The following ZNF614 variants were observed in gnomAD, a reference collection of about 807,000 sequenced individuals.
The protein encoded by ZNF614 is zinc finger protein 614.
In ZNF614, 11 loss-of-function variants were observed where a neutral mutation model predicts 12.8. The observed-to-expected ratio is 0.86, with a 90% CI of 0.54 to 1.43. The LOEUF is 1.43. Ranked by LOEUF, ZNF614 falls within the 40% of genes most tolerant of loss-of-function variation. The probability of loss-of-function intolerance (pLI) is 0.00; values close to 1 mark genes in which losing one functional copy is unlikely to be tolerated. For missense variants in ZNF614, 664 were observed against 708.8 expected, an observed-to-expected ratio of 0.94 and a Z score of 0.72; for synonymous variants, 237 against 237.5, an observed-to-expected ratio of 1.00 and a Z score of 0.02.
chr19:52,018,782 T>C (rs16983388), intron 2 of ZNF614, among the ~76,000 whole-genome samples: 17,966 of 152,204 alleles, frequency 0.12, 1,288 homozygotes, highest in South Asian at 0.26. Context: ...ATTCATAAAA[T>C]AGTGCTTTTA....
intron 2 of ZNF614, among the ~76,000 whole-genome samples, chr19:52,024,078 GTAGAATACCC>G (rs2086953242): frequency 6.6e-6 from 1 of 152,180 alleles, no homozygotes; most frequent in Non-Finnish European, 1.5e-5. Flanking sequence ...TCCTGGGAGG[GTAGAATACCC>G]AGAAAGGGCA....
At position 52,017,913 on chromosome 19, in the gene ZNF614, C is replaced by G. The variant is rs530575936; in HGVS notation, c.238+95G>C. On this transcript the variant is annotated intron_variant, in intron 4 of 4. Transcript: ENST00000270649. Reference sequence around the variant, plus strand: ...GGGAGATGAATATATAGTGGAGCTGCTTAGGTACCCTCAGATACTTCATAT... The same window carrying G: ...GGGAGATGAATATATAGTGGAGCTGGTTAGGTACCCTCAGATACTTCATAT... The G allele has an allele frequency of 3.1e-4, 273 of 870,720 alleles. 3 individuals carry two copies. In the South Asian group the frequency reaches 3.3e-3, roughly 10 times the overall value. 53.9% of individuals were successfully genotyped at this position (870,720 alleles called of 1,614,324 possible). A position where few individuals can be genotyped will look rare whatever the true frequency, so the allele number is the denominator to read the frequency against.
intron 2 of ZNF614, among the ~76,000 whole-genome samples, chr19:52,023,622 A>G (rs2086949351): frequency 1.3e-5 from 2 of 152,196 alleles, no homozygotes; most frequent in Admixed American, 1.3e-4. Context: ...TATGAATAAC[A>G]AAAGACACAC....
chr19:52,022,090 T>C (rs1568515212), intron 2 of ZNF614, among the ~76,000 whole-genome samples: 1 of 152,218 alleles, frequency 6.6e-6, no homozygotes, highest in African/African-American at 2.4e-5. Context: ...AATACACAAT[T>C]TGATAACATA....
rs2086906159 is a variant in ZNF614, at chr19:52,017,375, G to A, written c.239-16C>T. The A allele has an allele frequency of 6.4e-7, 1 of 1,567,470 alleles. No individual in the cohort carries two copies. Among genetic ancestry groups the A allele is most frequent in the Non-Finnish European group, 8.6e-7 (1 of 1,162,054 alleles). On this transcript the variant is annotated splice_polypyrimidine_tract_variant and intron_variant, in intron 4 of 4. Coordinates refer to ENST00000270649, the MANE Select transcript of ZNF614 (RefSeq NM_025040.4). ...TTCCCGATTCCTAAGAAAGAACAGA[G>A]TAACAAATTCTTCCATGAGAATTGT...
chr19:52,015,850 G>T lies in ZNF614; in HGVS notation c.1748C>A (p.Pro583His). 1 of 1,608,654 alleles carries T rather than the reference G, an allele frequency of 6.2e-7. No homozygotes were observed. Among genetic ancestry groups the T allele is most frequent in the Admixed American group, 1.7e-5 (1 of 59,364 alleles). Residue 583 changes from proline (P) to histidine (H), a missense_variant, in exon 5 of 5, where the codon CCT becomes CAT. Transcript: ENST00000270649. Reference sequence around the variant, plus strand: ...TTCTTCTGCATGAGTTCACTTATAAGGAAGGAGCTGTGACTCTCCATTACA... The same window carrying T: ...TTCTTCTGCATGAGTTCACTTATAATGAAGGAGCTGTGACTCTCCATTACA... ...NSCNGESQLL[P>H]YK
intron 2 of ZNF614, among the ~76,000 whole-genome samples, chr19:52,021,643 T>G (rs2123124425): frequency 6.6e-6 from 1 of 151,730 alleles, no homozygotes; most frequent in Non-Finnish European, 1.5e-5. Context: ...TTCAGGAGGC[T>G]AAGGCAGGCA....
rs781690901 is a variant in ZNF614 at position 52,018,634 on chromosome 19, CTCTA to C, written c.16-144_16-141del. ...AATATACTTTGGTAGGAGCAAAATC[CTCTA>C]TCTATACATTTTAGCGCCTATTTCT... On this transcript the variant is annotated intron_variant, in intron 2 of 4. Transcript: ENST00000270649. 2.2e-4 allele frequency: 182 copies of C among 825,578 alleles called. 1 individual carries two copies. The Middle Eastern group carries it at 3.3e-3, about 15-fold the overall frequency. 51.1% of individuals were successfully genotyped at this position (825,578 alleles called of 1,614,324 possible).
At chr19:52,024,947 A>T (rs939481492) in intron 2 of ZNF614, among the ~76,000 whole-genome samples, 6 of 152,080 alleles carry the variant, frequency 3.9e-5, no homozygotes, top group Non-Finnish European at 5.9e-5. Flanking sequence ...GAAAAAGAGG[A>T]AGGCCTTTTT....
In ZNF614 at chr19:52,016,124, A is replaced by G. The variant is rs780489737; in HGVS notation, c.1474T>C (p.Tyr492His). Residue 492 changes from tyrosine (Y) to histidine (H), a missense_variant, in exon 5 of 5, where the codon TAT becomes CAT. Transcript: ENST00000270649. Reference sequence around the variant, plus strand: ...GTAATGAGGCCATATTTGTGTGAATAGGATTTTCCGCACTCGGTACATACA... The same window carrying G: ...GTAATGAGGCCATATTTGTGTGAATGGGATTTTCCGCACTCGGTACATACA... ...PFVCTECGKS[Y>H]SHKYGLITHQ... 6 of 1,614,192 alleles carry G rather than the reference A, an allele frequency of 3.7e-6. No homozygotes were observed. Among genetic ancestry groups the G allele is most frequent in the Non-Finnish European group, 4.2e-6 (5 of 1,180,028 alleles).
Position 52,014,845 on chromosome 19 carries a change from A to T in ZNF614, c.*995T>A, listed in dbSNP as rs1345757348. On this transcript the variant is annotated 3_prime_UTR_variant, in exon 5 of 5. Transcript: ENST00000270649. The stretch of plus-strand genomic sequence containing the variant: ...AACCATAAGTCACTTCAGTAGTATA[A>T]TCAGGTGTAATTAAAAGGGCAGTGC... The T allele has an allele frequency of 6.6e-6, 1 of 152,206 alleles. No individual in the cohort carries two copies. Among genetic ancestry groups the T allele is most frequent in the African/African-American group, 2.4e-5 (1 of 41,440 alleles). 9.4% of individuals were successfully genotyped at this position (152,206 alleles called of 1,614,324 possible).
rs995276224 is a variant in ZNF614, at chr19:52,014,466, G to A, written c.*1374C>T. On this transcript the variant is annotated 3_prime_UTR_variant, in exon 5 of 5. Transcript: ENST00000270649. ...GCAGTTCTGAATGGTGATAAATTCC[G>A]AGTTCCCACTGCCCTACTCAGGTTT... 2 of 152,148 alleles carry A rather than the reference G, an allele frequency of 1.3e-5. No homozygotes were observed. The highest frequency in any genetic ancestry group is 2.1e-4 in the South Asian group (1 of 4,822). 9.4% of individuals were successfully genotyped at this position (152,148 alleles called of 1,614,324 possible). A position where few individuals can be genotyped will look rare whatever the true frequency, so the allele number is the denominator to read the frequency against.
chr19:52,016,541 TG>T lies in ZNF614; in HGVS notation c.1056del (p.Phe352LeufsTer3). The part of the protein sequence containing the change: ...PYICSECGKG[F>X]TMKRYLVVHQ... ...TGTACAACAAGATAGCGCTTCATGG[TG>T]AAGCCTTTTCCACATTCACTGCATA... On this transcript the variant is annotated frameshift_variant, in exon 5 of 5. Transcript: ENST00000270649. LOFTEE classifies it low-confidence loss of function (END_TRUNC). 2 of 1,614,116 alleles carry T rather than the reference TG, an allele frequency of 1.2e-6. No individual in the cohort carries two copies. The highest frequency in any genetic ancestry group is 1.7e-6 in the Non-Finnish European group (2 of 1,179,936).
chr19:52,022,982 A>G (rs1360744885), intron 2 of ZNF614, among the ~76,000 whole-genome samples: 2 of 146,750 alleles, frequency 1.4e-5, no homozygotes, highest in Admixed American at 1.4e-4. Context: ...CAGGAGGCTG[A>G]GGCAGGAGAA....
chr19:52,023,503 C>A (rs867893574), intron 2 of ZNF614, among the ~76,000 whole-genome samples: 2 of 152,214 alleles, frequency 1.3e-5, no homozygotes, highest in Middle Eastern at 3.4e-3. Flanking sequence ...CAGTTCCAAT[C>A]CTCTAATTGC....
chr19:52,025,734 G>A lies in ZNF614; in HGVS notation c.12C>T (p.Thr4=), dbSNP rs2086966729. The A allele has an allele frequency of 6.2e-7, 1 of 1,613,912 alleles. No individual in the cohort carries two copies. The highest frequency in any genetic ancestry group is 8.5e-7 in the Non-Finnish European group (1 of 1,179,924). The change falls in exon 2 of 5, where the codon ACC becomes ACT. Residue 4 remains threonine (T), a synonymous_variant. Coordinates refer to ENST00000270649, the MANE Select transcript of ZNF614 (RefSeq NM_025040.4). The part of the protein sequence containing the change: MIK[T]QESLTLEDVA... ...AAAATCAAAGGGAAAATATCACCTG[G>A]GTCTTGATCATTTTCTTCTGTGCTC...
Position 52,015,617 on chromosome 19 carries a change from A to G in ZNF614, c.*223T>C. ...CGTATTTTCATTGACAGAAAATATG[A>G]GGTAAAAGACCACTAAAGGCACTAC... On this transcript the variant is annotated 3_prime_UTR_variant, in exon 5 of 5. Coordinates refer to ENST00000270649, the MANE Select transcript of ZNF614 (RefSeq NM_025040.4). 1 of 451,424 alleles carries G rather than the reference A, an allele frequency of 2.2e-6. No homozygotes were observed. The allele number at this position is 451,424 out of a possible 1,614,324, so 28.0% of individuals were successfully genotyped here. A position where few individuals can be genotyped will look rare whatever the true frequency, so the allele number is the denominator to read the frequency against.
intron 2 of ZNF614, among the ~76,000 whole-genome samples, chr19:52,021,000 A>T (rs573017719): frequency 6.6e-6 from 1 of 152,348 alleles, no homozygotes; most frequent in East Asian, 1.9e-4. Context: ...AGCAAAAGTG[A>T]CAAGATGCCA....
In ZNF614 at chr19:52,014,639, A is replaced by G. The variant is rs1298881809; in HGVS notation, c.*1201T>C. 6.6e-6 allele frequency: 1 copy of G among 152,170 alleles called. No homozygotes were observed. Among genetic ancestry groups the G allele is most frequent in the African/African-American group, 2.4e-5 (1 of 41,436 alleles). 9.4% of individuals were successfully genotyped at this position (152,170 alleles called of 1,614,324 possible). A position where few individuals can be genotyped will look rare whatever the true frequency, so the allele number is the denominator to read the frequency against. On this transcript the variant is annotated 3_prime_UTR_variant, in exon 5 of 5. Transcript: ENST00000270649. ...CCTAATCTCAGGAGCCTCTACCCCT[A>G]TGAAGTTGGGGGTGCACCACCCTCT...
Sources: gnomAD v4.1 joint callset for allele counts (sites outside exome capture counted in the v4.1 genomes callset) on GRCh38, gnomAD v4.1.1 for gene constraint, MANE v1.5 for transcripts, NCBI Gene and HGNC (gene_info 2026-07-23, HGNC 2026-07-21) for gene names.